Variants in ATF6B observed in about 807,000 individuals in gnomAD.
The protein encoded by ATF6B is activating transcription factor 6 beta, also known as cyclic AMP-dependent transcription factor ATF-6 beta.
Under a neutral mutation model 83.5 loss-of-function variants are expected in ATF6B, and 50 were observed. The observed-to-expected ratio is 0.60, with a 90% CI of 0.48 to 0.76. The LOEUF (loss-of-function observed/expected upper bound fraction) is 0.76, where lower values mean the gene tolerates loss of function less well. Ranked by LOEUF, ATF6B falls within the 30% of genes least tolerant of loss-of-function variation. The pLI, the probability that ATF6B is intolerant of heterozygous loss-of-function variation, is 0.00. For missense variants in ATF6B, 790 were observed against 893.8 expected (o/e 0.88, Z 1.48); for synonymous variants, 344 against 362.8 (o/e 0.95, Z 0.59).
At chr6:32,124,355 C>A (rs1446332724) in intron 5 of ATF6B, among the ~76,000 whole-genome samples, 2 of 152,202 alleles carry the variant, frequency 1.3e-5, no homozygotes, top group African/African-American at 4.8e-5. Context: ...CTACCTCTCT[C>A]CAATGTCCAG....
rs1781596150 is a variant in ATF6B at position 32,117,882 on chromosome 6, G to C, written c.1401C>G (p.Ser467Arg). 6.4e-7 allele frequency: 1 copy of C among 1,571,888 alleles called. No individual in the cohort carries two copies. Among genetic ancestry groups the C allele is most frequent in the African/African-American group, 1.4e-5 (1 of 73,448 alleles). ...SSQGPKEPQP[S>R]PTDQPSFSNL... is the part of the protein sequence containing the mutation. ...ACCTGAAACTGGGCTGGTCTGTGGG[G>C]CTGGGCTGGGGCTCCTTAGGGCCCT... The change falls in exon 12 of 18, where the codon AGC becomes AGG. Residue 467 changes from serine to arginine, a missense_variant. By Grantham distance (110) the Ser-to-Arg change is moderately radical. Around this residue, in one of 3 missense-constraint regions of ATF6B, gnomAD observed 530 missense variants for 632.6 expected, o/e 0.84. Transcript: ENST00000375203. This position sits in a 1 kb window ranked among gnomAD's most constrained non-coding sequence, Gnocchi z 5.0.
Position 32,116,504 on chromosome 6 carries a change from C to G in ATF6B, c.1858G>C (p.Val620Leu). The change falls in exon 17 of 18, where the codon GTG becomes CTG. Residue 620 changes from valine (V) to leucine (L), a missense_variant. Physicochemically the swap from Val to Leu is conservative, Grantham distance 32. Transcript: ENST00000375203. The surrounding 1 kb of genome is among the most constrained non-coding windows in gnomAD (Gnocchi z 5.1). ...CCATTGGGGGCCATGGCAGGCATCA[C>G]CAGGGACATCTTGGGCCGGGAGGTC... is the stretch of plus-strand genomic sequence containing the variant. ...NKTSRPKMSL[V>L]MPAMAPNETL... The G allele has an allele frequency of 6.2e-7, 1 of 1,608,078 alleles. No individual in the cohort carries two copies. The highest frequency in any genetic ancestry group is 8.5e-7 in the Non-Finnish European group (1 of 1,176,846).
chr6:32,127,001 C>T, intron 4 of ATF6B, 102 bp downstream of exon 4: 19 of 1,101,426 alleles, frequency 1.7e-5, no homozygotes, highest in Non-Finnish European at 2.1e-5. Flanking sequence ...CCTCATGACT[C>T]ATAGCACACA....
chr6:32,122,701 T>C (rs1303028308), intron 5 of ATF6B, among the ~76,000 whole-genome samples: 1 of 151,186 alleles, frequency 6.6e-6, no homozygotes, highest in African/African-American at 2.4e-5. Flanking sequence ...ATAGAAAAAT[T>C]AGCCAGGCGT....
rs371483988 is a variant in ATF6B at position 32,117,556 on chromosome 6, G to T, written c.1532+31C>A. On this transcript the variant is annotated intron_variant, in intron 13 of 17. Transcript: ENST00000375203. This position sits in a 1 kb window ranked among gnomAD's most constrained non-coding sequence, Gnocchi z 5.0. The stretch of plus-strand genomic sequence containing the variant: ...TGCAGAAGGCCTTGGGAGGCCGGGG[G>T]AGCTGGATGCCCCAGCAATGAATCC... The T allele has an allele frequency of 1.2e-5, 19 of 1,607,756 alleles. 1 individual carries two copies. The South Asian group carries it at 1.9e-4, about 16-fold the overall frequency.
At chr6:32,121,957 A>C (rs1291775081) in intron 5 of ATF6B, among the ~76,000 whole-genome samples, 2 of 152,162 alleles carry the variant, frequency 1.3e-5, no homozygotes, top group Non-Finnish European at 2.9e-5. Flanking sequence ...TCTTGTTCAC[A>C]GAACTTGTCT....
At chr6:32,126,440 G>C (rs1392938458) in intron 4 of ATF6B, among the ~76,000 whole-genome samples, 188 bp from the exon 5 acceptor site, 1 of 152,198 alleles carries the variant, frequency 6.6e-6, no homozygotes, top group East Asian at 1.9e-4. Flanking sequence ...TTATTTCTGG[G>C]AGAATTGATG....
At chr6:32,127,414 T>A (rs370605862) in intron 3 of ATF6B, 28 bp downstream of exon 3, 1 of 1,593,926 alleles carries the variant, frequency 6.3e-7, no homozygotes, top group Non-Finnish European at 8.6e-7. Context: ...TTTCTGGAAA[T>A]CTGAGGGAAC....
At chr6:32,128,075 G>A in intron 1 of ATF6B, 42 bp downstream of exon 1, 2 of 1,606,774 alleles carry the variant, frequency 1.2e-6, no homozygotes, top group Non-Finnish European at 8.5e-7. Flanking sequence ...GCGTGCCTCA[G>A]GGACAGTTTG....
At position 32,118,746 on chromosome 6, in the gene ATF6B, A is replaced by T; in HGVS notation, c.1244+29T>A. ...GGCTGTAACGTGGGCTCCACCTGGA[A>T]GGTTCTAGTGAAGCAAGGAAGGTCT... is the stretch of plus-strand genomic sequence containing the variant. On this transcript the variant is annotated intron_variant, in intron 11 of 17. Transcript: ENST00000375203. The surrounding 1 kb of genome is among the most constrained non-coding windows in gnomAD (Gnocchi z 5.2). The T allele has an allele frequency of 6.2e-7, 1 of 1,607,294 alleles. No individual in the cohort carries two copies. The highest frequency in any genetic ancestry group is 8.5e-7 in the Non-Finnish European group (1 of 1,173,810).
At position 32,128,236 on chromosome 6, in the gene ATF6B, C is replaced by T. The variant is rs774885681; in HGVS notation, c.-29G>A. 5 of 1,577,938 alleles carry T rather than the reference C, an allele frequency of 3.2e-6. No individual in the cohort carries two copies. Among genetic ancestry groups the T allele is most frequent in the South Asian group, 2.2e-5 (2 of 89,084 alleles). ...TCCCCCCCACCCCCCAACCAGGAGACGGTTCCCAAGGCCCGCCTCTCCCCA... is the reference window on the plus strand; with the variant it reads ...TCCCCCCCACCCCCCAACCAGGAGATGGTTCCCAAGGCCCGCCTCTCCCCA... On this transcript the variant is annotated 5_prime_UTR_variant, in exon 1 of 18. Transcript: ENST00000375203.
In ATF6B at chr6:32,120,909, G is replaced by C; in HGVS notation, c.701-7C>G. 6.5e-7 allele frequency: 1 copy of C among 1,528,636 alleles called. No individual in the cohort carries two copies. Among genetic ancestry groups the C allele is most frequent in the Admixed American group, 2.2e-5 (1 of 45,588 alleles). 94.7% of individuals were successfully genotyped at this position (1,528,636 alleles called of 1,614,324 possible). On this transcript the variant is annotated splice_region_variant and splice_polypyrimidine_tract_variant and intron_variant, in intron 7 of 17. Coordinates refer to ENST00000375203, the MANE Select transcript of ATF6B (RefSeq NM_004381.5). ...CGGGTGGGCAGGGCTTTGCCTGAAG[G>C]AAGGTGAGAGAAAAGAACAAGAAAT... is the stretch of plus-strand genomic sequence containing the variant.
intron 3 of ATF6B, 75 bp downstream of exon 3, chr6:32,127,367 G>C: frequency 6.7e-7 from 1 of 1,502,766 alleles, no homozygotes; most frequent in Non-Finnish European, 9.1e-7. Context: ...GATATAGGAA[G>C]CTACGTAGTT....
Position 32,127,693 on chromosome 6 carries a change from C to T in ATF6B, c.149G>A (p.Arg50His). Residue 50 changes from arginine (R) to histidine (H), a missense_variant, in exon 2 of 18, where the codon CGT (arginine) becomes CAT (histidine). Transcript: ENST00000375203. ...EVAEEQTQLF[R>H]CPEQDVPFDG... ...TACCGGGACATCCTGCTCCGGGCAA[C>T]GGAAGAGCTGCGTCTGCTCCTCGGC... is the stretch of plus-strand genomic sequence containing the variant. 3 of 1,614,224 alleles carry T rather than the reference C, an allele frequency of 1.9e-6. No homozygotes were observed. The highest frequency in any genetic ancestry group is 2.7e-5 in the African/African-American group (2 of 75,048).
chr6:32,115,656 GGGGATCA>G lies in ATF6B; in HGVS notation c.*76_*82del. The G allele has an allele frequency of 7.9e-7, 1 of 1,266,912 alleles. No individual in the cohort carries two copies. Among genetic ancestry groups the G allele is most frequent in the Non-Finnish European group, 1.1e-6 (1 of 908,302 alleles). 78.5% of individuals were successfully genotyped at this position (1,266,912 alleles called of 1,614,324 possible). A position where few individuals can be genotyped will look rare whatever the true frequency, so the allele number is the denominator to read the frequency against. On this transcript the variant is annotated 3_prime_UTR_variant, in exon 18 of 18. Transcript: ENST00000375203. ...TTCCTTTACCAATTGCCCCAAGCCTGGGGATCAGGGAAATTTGAAACAGTCCCACCTG... is the reference window on the plus strand; with the variant it reads ...TTCCTTTACCAATTGCCCCAAGCCTGGGGAAATTTGAAACAGTCCCACCTG...
chr6:32,122,641 G>A (rs1241348462), intron 5 of ATF6B, among the ~76,000 whole-genome samples: 1 of 147,742 alleles, frequency 6.8e-6, no homozygotes, highest in Non-Finnish European at 1.5e-5. Flanking sequence ...GAGGTCAGGA[G>A]ATCGAGACCA....
intron 8 of ATF6B, chr6:32,120,481 C>G: frequency 5.6e-6 from 1 of 178,702 alleles, no homozygotes; most frequent in Non-Finnish European, 1.0e-5. Context: ...GACAAAGTCT[C>G]GCTTTGTCGC....
At chr6:32,126,045 A>C in intron 5 of ATF6B, 72 bp downstream of exon 5, 1 of 1,574,646 alleles carries the variant, frequency 6.4e-7, no homozygotes, top group South Asian at 1.2e-5. Flanking sequence ...CTCCATCTAC[A>C]CACATACACA....
At chr6:32,123,521 T>G (rs559838890) in intron 5 of ATF6B, among the ~76,000 whole-genome samples, 1 of 152,210 alleles carries the variant, frequency 6.6e-6, no homozygotes, top group Admixed American at 6.5e-5. Flanking sequence ...CCCGAGTAGC[T>G]GAGACTACAG....
Sources: allele counts gnomAD v4.1 joint callset (sites outside exome capture counted in the v4.1 genomes callset), GRCh38; gene constraint gnomAD v4.1.1; regional missense constraint gnomAD v4.1.1; non-coding constraint Gnocchi (gnomAD v3.1); transcripts MANE v1.5; gene names NCBI Gene and HGNC (gene_info 2026-07-23, HGNC 2026-07-21).